The following HEATR5B variants were observed in gnomAD, a reference collection of about 807,000 sequenced individuals.
HEATR5B encodes HEAT repeat containing 5B, also known as HEAT repeat-containing protein 5B.
In HEATR5B, 156 loss-of-function variants were observed where a neutral mutation model predicts 224.1. The ratio of observed to expected loss-of-function variants is 0.70; its 90% confidence interval spans 0.61 to 0.80. The LOEUF is 0.80. Among genes scored for constraint, HEATR5B ranks in the 30% least tolerant of loss-of-function variants. The pLI is 0.00. For synonymous variants in HEATR5B, 1,027 were observed against 893.0 expected (o/e 1.15, Z -2.68); for missense variants, 2,323 against 2,535.5 (o/e 0.92, Z 1.80).
chr2:37,008,760 C>T lies in HEATR5B; in HGVS notation c.4373G>A (p.Cys1458Tyr). 1 of 1,613,994 alleles carries T rather than the reference C, an allele frequency of 6.2e-7. No individual in the cohort carries two copies. The highest frequency in any genetic ancestry group is 8.5e-7 in the Non-Finnish European group (1 of 1,179,898). Residue 1458 changes from cysteine to tyrosine, a missense_variant, in exon 28 of 36, where the codon TGT becomes TAT. Coordinates refer to ENST00000233099, the MANE Select transcript of HEATR5B (RefSeq NM_019024.3). ...IKNTDDDDDD[C>Y]GTIDELPPDS... ...TGGTGGCAGTTCATCGATGGTACCA[C>T]AGTCGTCATCATCATCGTCAGTATT...
intron 6 of HEATR5B, 105 bp downstream of exon 6, chr2:37,072,005 A>G: frequency 1.1e-6 from 1 of 918,514 alleles, no homozygotes. Flanking sequence ...TTTTATGGAA[A>G]AGTAGACAAA....
At chr2:37,015,527 T>C (rs1365561470) in intron 26 of HEATR5B, among the ~76,000 whole-genome samples, 2 of 152,172 alleles carry the variant, frequency 1.3e-5, no homozygotes, top group African/African-American at 4.8e-5. Context: ...TTAGCTATTT[T>C]AGGGGGCGGG....
intron 18 of HEATR5B, among the ~76,000 whole-genome samples, chr2:37,046,948 G>A (rs1312501974): frequency 6.8e-6 from 1 of 147,332 alleles, no homozygotes; most frequent in Admixed American, 6.9e-5. Context: ...TACACGGGAG[G>A]CTAAGGAAGG....
chr2:36,981,150 T>A lies in HEATR5B; in HGVS notation c.*340A>T, dbSNP rs79326109. 1.0e-4 allele frequency: 19 copies of A among 182,878 alleles called. No individual in the cohort carries two copies. In the East Asian group the frequency reaches 2.6e-3, roughly 25 times the overall value. 11.3% of individuals were successfully genotyped at this position (182,878 alleles called of 1,614,324 possible). On this transcript the variant is annotated 3_prime_UTR_variant, in exon 36 of 36. Transcript: ENST00000233099. ...TGACAGATGCTGAGTTCTGACCCAT[T>A]TTTTTCCCCTGACAGTATCAATAGG...
chr2:36,987,256 C>G (rs1202076550), intron 35 of HEATR5B, among the ~76,000 whole-genome samples: 1 of 151,888 alleles, frequency 6.6e-6, no homozygotes, highest in African/African-American at 2.4e-5. Flanking sequence ...TGGTGAAACC[C>G]CATCTCTACT....
At chr2:37,074,378 A>C (rs1168807547) in intron 5 of HEATR5B, among the ~76,000 whole-genome samples, 2 of 152,044 alleles carry the variant, frequency 1.3e-5, no homozygotes, top group African/African-American at 4.8e-5. Context: ...ATTGAAAAAA[A>C]AAACAAAAAA....
Position 37,007,307 on chromosome 2 carries a change from G to A in HEATR5B, c.4523-3C>T. The A allele has an allele frequency of 1.5e-6, 2 of 1,355,036 alleles. No homozygotes were observed. Among genetic ancestry groups the A allele is most frequent in the Non-Finnish European group, 2.1e-6 (2 of 964,888 alleles). The allele number at this position is 1,355,036 out of a possible 1,614,324, so 83.9% of individuals were successfully genotyped here. Reference sequence around the variant, plus strand: ...TTCAGGGGTATAAAATGCTCCACCTGTAAAGCAATCAAATCAATTAAAAAC... The same window carrying A: ...TTCAGGGGTATAAAATGCTCCACCTATAAAGCAATCAAATCAATTAAAAAC... On this transcript the variant is annotated splice_polypyrimidine_tract_variant and splice_region_variant and intron_variant, in intron 28 of 35. Coordinates refer to ENST00000233099, the MANE Select transcript of HEATR5B (RefSeq NM_019024.3).
chr2:37,020,323 C>T (rs189343149), intron 25 of HEATR5B, among the ~76,000 whole-genome samples: 2 of 152,314 alleles, frequency 1.3e-5, no homozygotes, highest in Admixed American at 6.5e-5. Context: ...ATAACGGCAG[C>T]AAATCCACAA....
intron 21 of HEATR5B, among the ~76,000 whole-genome samples, chr2:37,033,663 G>A (rs1006266253): frequency 1.3e-5 from 2 of 152,092 alleles, no homozygotes; most frequent in African/African-American, 4.8e-5. Flanking sequence ...ATGCAACATG[G>A]CATAAAAGTT....
At chr2:36,982,851 AACAGAC>A (rs1272340336) in intron 35 of HEATR5B, among the ~76,000 whole-genome samples, 1 of 122,722 alleles carries the variant, frequency 8.1e-6, no homozygotes. Context: ...GTCTACATAT[AACAGAC>A]ACAGATACAC....
At position 37,064,620 on chromosome 2, in the gene HEATR5B, T is replaced by G. The variant is rs1671477755; in HGVS notation, c.1584+120A>C. ...TAACACCATAGTAAGAACACTATGT[T>G]TTATGATAACATAGTACAACTGTTA... On this transcript the variant is annotated intron_variant, in intron 10 of 35. Transcript: ENST00000233099. 8.5e-6 allele frequency: 8 copies of G among 946,612 alleles called. No homozygotes were observed. In the South Asian group the frequency reaches 1.1e-4, roughly 13 times the overall value. 58.6% of individuals were successfully genotyped at this position (946,612 alleles called of 1,614,324 possible). A position where few individuals can be genotyped will look rare whatever the true frequency, so the allele number is the denominator to read the frequency against.
intron 33 of HEATR5B, among the ~76,000 whole-genome samples, chr2:36,999,710 T>C (rs1666961625): frequency 6.6e-6 from 1 of 150,388 alleles, no homozygotes; most frequent in Non-Finnish European, 1.5e-5. Context: ...GAGATATACA[T>C]GTATATATTT....
Position 36,981,541 on chromosome 2 carries a change from G to T in HEATR5B, c.6165C>A (p.Ala2055=), listed in dbSNP as rs762172461. ...SKAKAAARQP[A]PAIHSAPTIK... ...TTGTTGGTGCAGAATGTATGGCGGG[G>T]GCTGGTTGTCTGGCAGCCGCTTTAG... The change falls in exon 36 of 36, where the codon GCC becomes GCA. Residue 2055 remains alanine, a synonymous_variant. Transcript: ENST00000233099. 1.2e-6 allele frequency: 2 copies of T among 1,613,978 alleles called. No individual in the cohort carries two copies. Among genetic ancestry groups the T allele is most frequent in the South Asian group, 2.2e-5 (2 of 91,054 alleles).
chr2:37,023,338 T>C (rs1363193628), intron 24 of HEATR5B, among the ~76,000 whole-genome samples: 2 of 152,240 alleles, frequency 1.3e-5, no homozygotes, highest in Non-Finnish European at 2.9e-5. Context: ...GACATATCTA[T>C]GGTTCAGCCT....
intron 21 of HEATR5B, 76 bp from the exon 22 acceptor site, chr2:37,032,849 T>C: frequency 1.7e-6 from 2 of 1,177,910 alleles, no homozygotes; most frequent in South Asian, 1.5e-5. Flanking sequence ...CCAATGAATA[T>C]ATATATACAT....
chr2:37,044,281 T>C (rs976185876), intron 18 of HEATR5B, among the ~76,000 whole-genome samples: 10 of 152,318 alleles, frequency 6.6e-5, no homozygotes, highest in Admixed American at 1.3e-4. Context: ...GTCATATTCC[T>C]TCCCCCAACA....
In HEATR5B at chr2:37,037,993, G is replaced by C; in HGVS notation, c.3078C>G (p.Ser1026=). The change falls in exon 21 of 36, where the codon TCC becomes TCG. Residue 1026 remains serine (S), a synonymous_variant. Coordinates refer to ENST00000233099, the MANE Select transcript of HEATR5B (RefSeq NM_019024.3). ...TTATTGCACAACCCACCAAACAAGA[G>C]GAACGAATTGTAGAAGTTGTTGCTC... ...GNGATTSTIR[S]SCLVGCAITQ... is the part of the protein sequence containing the mutation. 1 of 1,575,524 alleles carries C rather than the reference G, an allele frequency of 6.3e-7. No homozygotes were observed. The highest frequency in any genetic ancestry group is 8.6e-7 in the Non-Finnish European group (1 of 1,157,774).
chr2:37,052,217 G>C (rs1670603731), intron 17 of HEATR5B, among the ~76,000 whole-genome samples: 1 of 152,154 alleles, frequency 6.6e-6, no homozygotes. Context: ...TTATGATAGA[G>C]TGCCTAGTAT....
chr2:37,002,342 T>C lies in HEATR5B; in HGVS notation c.5281A>G (p.Ile1761Val), dbSNP rs376023635. The C allele has an allele frequency of 1.4e-5, 23 of 1,614,076 alleles. No homozygotes were observed. Among genetic ancestry groups the C allele is most frequent in the Non-Finnish European group, 1.8e-5 (21 of 1,180,050 alleles). ...CAAAGGGATGGTAAATCAGAGAGTA[T>C]GGTAACTGTGGCTGCCACCAAACGA... ...SARLVAATVTILSDLPSLCSP... is the reference protein window; with the variant it reads ...SARLVAATVTVLSDLPSLCSP... The change falls in exon 32 of 36, where the codon ATA (isoleucine) becomes GTA (valine). Residue 1761 changes from isoleucine to valine, a missense_variant. Physicochemically the swap from Ile to Val is conservative, Grantham distance 29. Around this residue, in one of 12 missense-constraint regions of HEATR5B, gnomAD observed 844 missense variants for 812.9 expected, o/e 1.04. Transcript: ENST00000233099.
Sources: allele counts gnomAD v4.1 joint callset (sites outside exome capture counted in the v4.1 genomes callset), GRCh38; gene constraint gnomAD v4.1.1; regional missense constraint gnomAD v4.1.1; transcripts MANE v1.5; gene names NCBI Gene and HGNC (gene_info 2026-07-23, HGNC 2026-07-21).